Variants in CNTN5 observed in about 807,000 individuals in gnomAD.
CNTN5 encodes contactin 5.
In CNTN5, 77 loss-of-function variants were observed where a neutral mutation model predicts 129.1. That is an observed-to-expected ratio of 0.60 (90% CI 0.50 to 0.72). The LOEUF (loss-of-function observed/expected upper bound fraction) is 0.72, where lower values mean the gene tolerates loss of function less well. Ranked by LOEUF, CNTN5 falls within the 30% of genes least tolerant of loss-of-function variation. The pLI is 0.00. For synonymous variants in CNTN5, 509 were observed against 465.6 expected, an observed-to-expected ratio of 1.09 and a Z score of -1.20; for missense variants, 1,478 against 1,328.8, an observed-to-expected ratio of 1.11 and a Z score of -1.75.
Position 99,269,255 on chromosome 11 carries a change from A to C in CNTN5, c.-209-56091A>C, listed in dbSNP as rs575933681. Among the ~76,000 whole-genome samples the C allele has an allele frequency of 3.3e-5, 5 of 151,950 alleles. No individual in the cohort carries two copies. The South Asian group carries it at 1.0e-3, about 31-fold the overall frequency. On this transcript the variant is annotated intron_variant, in intron 1 of 24. Transcript: ENST00000524871. ...TCTTTGTTTTTAAAATAGAAGGATT[A>C]ATTATTATCTCCTGTGTTATATTTA...
At chr11:100,205,748 T>A (rs977630431) in intron 15 of CNTN5, among the ~76,000 whole-genome samples, 42 of 152,194 alleles carry the variant, frequency 2.8e-4, no homozygotes, top group African/African-American at 9.4e-4. Context: ...ATATTATAAC[T>A]AATCTAGAGA....
intron 18 of CNTN5, among the ~76,000 whole-genome samples, chr11:100,282,596 A>G (rs1273289409): frequency 3.9e-5 from 6 of 152,152 alleles, no homozygotes; most frequent in Admixed American, 1.3e-4. Flanking sequence ...GTGACTGCCT[A>G]TGTTTGCTCA....
chr11:99,432,229 A>T (rs1469130876), intron 2 of CNTN5, among the ~76,000 whole-genome samples: 1 of 152,178 alleles, frequency 6.6e-6, no homozygotes, highest in East Asian at 1.9e-4. Context: ...GAAACTGAAA[A>T]CTACATGTGT....
chr11:99,807,520 T>C (rs1837764), intron 3 of CNTN5, among the ~76,000 whole-genome samples: 23,797 of 152,068 alleles, frequency 0.16, 1,975 homozygotes, highest in South Asian at 0.22. Context: ...TTTATATATA[T>C]GTGTGTGTGT....
At chr11:99,318,325 A>T (rs1865430322) in intron 1 of CNTN5, among the ~76,000 whole-genome samples, 1 of 152,198 alleles carries the variant, frequency 6.6e-6, no homozygotes, top group Non-Finnish European at 1.5e-5. Flanking sequence ...TATGCAGCTA[A>T]TTAATGATTA....
intron 3 of CNTN5, among the ~76,000 whole-genome samples, chr11:99,638,812 G>C (rs1402304129): frequency 6.6e-6 from 1 of 152,140 alleles, no homozygotes; most frequent in Non-Finnish European, 1.5e-5. Flanking sequence ...CTCCCTCCCA[G>C]CTGCTTTCAC....
At position 100,033,174 on chromosome 11, in the gene CNTN5, C is replaced by T. The variant is rs903010661; in HGVS notation, c.981-28038C>T. 5.9e-5 allele frequency among the ~76,000 whole-genome samples: 9 copies of T among 152,224 alleles called. No individual in the cohort carries two copies. The East Asian group carries it at 9.6e-4, about 16-fold the overall frequency. ...AGTAATAAAATGTAATGAGCCCAGA[C>T]GTGCAGACTACAGTGTTCCAAACTA... On this transcript the variant is annotated intron_variant, in intron 9 of 24. Coordinates refer to ENST00000524871, the MANE Select transcript of CNTN5 (RefSeq NM_014361.4).
At chr11:99,899,178 T>A (rs1457094363) in intron 6 of CNTN5, among the ~76,000 whole-genome samples, 1 of 152,078 alleles carries the variant, frequency 6.6e-6, no homozygotes, top group African/African-American at 2.4e-5. Context: ...TGAACAGAGA[T>A]AATTTGACAT....
intron 21 of CNTN5, among the ~76,000 whole-genome samples, chr11:100,339,776 C>A (rs1048672414): frequency 6.6e-6 from 1 of 152,146 alleles, no homozygotes; most frequent in Non-Finnish European, 1.5e-5. Flanking sequence ...CAGAGTAAAT[C>A]TTTAGCTTAA....
chr11:99,872,818 T>C (rs550378440), intron 6 of CNTN5, among the ~76,000 whole-genome samples: 2 of 152,258 alleles, frequency 1.3e-5, no homozygotes, highest in Non-Finnish European at 2.9e-5. Flanking sequence ...TGACATACTG[T>C]CCTTAATAGC....
rs112100727 is a variant in CNTN5 at position 99,691,716 on chromosome 11, T to C, written c.56-127828T>C. ...AAGTGCCATGTGGTGATGAGAAGAA[T>C]GTATATTCTGTTCTTGGGTGCAGAG... is the stretch of plus-strand genomic sequence containing the variant. On this transcript the variant is annotated intron_variant, in intron 3 of 24. Transcript: ENST00000524871. Among the ~76,000 whole-genome samples the C allele has an allele frequency of 5.0e-3, 760 of 152,232 alleles. 4 individuals are homozygous for C. The highest frequency in any genetic ancestry group is 0.018 in the African/African-American group (729 of 41,546).
intron 3 of CNTN5, among the ~76,000 whole-genome samples, chr11:99,771,876 A>T (rs973407): frequency 4.6e-5 from 7 of 151,784 alleles, no homozygotes; most frequent in Admixed American, 4.6e-4. Flanking sequence ...GAAAATTCCT[A>T]AAGAAAGGGA....
intron 3 of CNTN5, among the ~76,000 whole-genome samples, chr11:99,657,901 C>A (rs1736567506): frequency 6.6e-6 from 1 of 152,156 alleles, no homozygotes; most frequent in South Asian, 2.1e-4. Flanking sequence ...TATAAAAGCA[C>A]TAACCCTGTA....
At chr11:99,232,513 C>T (rs1021558904) in intron 1 of CNTN5, among the ~76,000 whole-genome samples, 1 of 152,104 alleles carries the variant, frequency 6.6e-6, no homozygotes, top group African/African-American at 2.4e-5. Context: ...TATCCTGAGA[C>T]TTTGCTGAAG....
intron 2 of CNTN5, among the ~76,000 whole-genome samples, chr11:99,394,934 T>C (rs1941443236): frequency 6.6e-6 from 1 of 151,890 alleles, no homozygotes; most frequent in African/African-American, 2.4e-5. Flanking sequence ...CTTTATCAAG[T>C]CTAACATCGA....
chr11:99,854,777 TGA>T (rs1947981239), intron 6 of CNTN5, among the ~76,000 whole-genome samples: 1 of 152,084 alleles, frequency 6.6e-6, no homozygotes, highest in South Asian at 2.1e-4. Context: ...CAAAACATGT[TGA>T]GAGACTCAAT....
chr11:99,857,264 A>G (rs995413496), intron 6 of CNTN5, among the ~76,000 whole-genome samples: 2 of 152,044 alleles, frequency 1.3e-5, no homozygotes, highest in African/African-American at 2.4e-5. Context: ...TTATTTCTTT[A>G]TTTTAGTTTA....
intron 21 of CNTN5, among the ~76,000 whole-genome samples, chr11:100,327,027 G>A (rs965447179): frequency 6.6e-6 from 1 of 152,160 alleles, no homozygotes; most frequent in African/African-American, 2.4e-5. Context: ...GAGAAGTTTG[G>A]AATTTATTCT....
intron 10 of CNTN5, among the ~76,000 whole-genome samples, chr11:100,065,578 T>C (rs775302830): frequency 1.1e-4 from 17 of 151,934 alleles, no homozygotes; most frequent in Admixed American, 2.0e-4. Context: ...CCTCAAAATA[T>C]TAAGGAACTT....
Sources: gnomAD v4.1 joint callset for allele counts (sites outside exome capture counted in the v4.1 genomes callset) on GRCh38, gnomAD v4.1.1 for gene constraint, MANE v1.5 for transcripts, NCBI Gene and HGNC (gene_info 2026-07-23, HGNC 2026-07-21) for gene names.